NRXN3: variants seen among roughly 807,000 people sequenced by gnomAD.
The protein encoded by NRXN3 is neurexin 3, also known as neurexin III.
NRXN3 carries 32 observed loss-of-function variants against 137.6 expected under a neutral mutation model. The observed-to-expected ratio is 0.23, with a 90% CI of 0.18 to 0.31. The LOEUF is 0.31. Among genes scored for constraint, NRXN3 ranks in the 10% least tolerant of loss-of-function variants. The probability of loss-of-function intolerance (pLI) is 1.00; values close to 1 mark genes in which losing one functional copy is unlikely to be tolerated. For synonymous variants in NRXN3, 798 were observed against 784.5 expected (o/e 1.02, Z -0.29); for missense variants, 1,574 against 2,062.5 (o/e 0.76, Z 4.59).
At chr14:78,295,415 A>C (rs1317746882) in intron 3 of NRXN3, among the ~76,000 whole-genome samples, 1 of 152,148 alleles carries the variant, frequency 6.6e-6, no homozygotes, top group Non-Finnish European at 1.5e-5. Flanking sequence ...AGTTTAATAA[A>C]ACCTGATAAG....
intron 17 of NRXN3, among the ~76,000 whole-genome samples, chr14:79,683,503 C>T (rs1219979600): frequency 6.6e-6 from 1 of 152,140 alleles, no homozygotes; most frequent in Admixed American, 6.6e-5. Context: ...CTTAAAGAGA[C>T]CTGCCTGTGT....
At chr14:79,376,214 G>GTATATA (rs1159913935) in intron 15 of NRXN3, among the ~76,000 whole-genome samples, 16 of 71,098 alleles carry the variant, frequency 2.3e-4, no homozygotes, top group Non-Finnish European at 3.2e-4. Context: ...GTGTGTGTAT[G>GTATATA]TATATATATA....
At chr14:79,774,101 T>C (rs2099089109) in intron 19 of NRXN3, among the ~76,000 whole-genome samples, 2 of 152,124 alleles carry the variant, frequency 1.3e-5, no homozygotes, top group African/African-American at 4.8e-5. Flanking sequence ...AACCCCCGAA[T>C]AACTGTACGT....
At chr14:79,639,732 C>T (rs1419553814) in intron 16 of NRXN3, among the ~76,000 whole-genome samples, 1 of 152,144 alleles carries the variant, frequency 6.6e-6, no homozygotes, top group Non-Finnish European at 1.5e-5. Context: ...TTGAGTAACC[C>T]GAAGTAGCTA....
At chr14:79,358,701 C>T (rs1355519444) in intron 15 of NRXN3, among the ~76,000 whole-genome samples, 6 of 150,132 alleles carry the variant, frequency 4.0e-5, no homozygotes, top group African/African-American at 7.4e-5. Flanking sequence ...ACCTGTGGGG[C>T]GTGTTTGGTG....
At chr14:78,634,953 C>A (rs900423101) in intron 4 of NRXN3, among the ~76,000 whole-genome samples, 6 of 152,094 alleles carry the variant, frequency 3.9e-5, no homozygotes, top group South Asian at 2.1e-4. Context: ...AAGTAAAATT[C>A]TTTAATACCT....
chr14:78,727,019 T>C lies in NRXN3; in HGVS notation c.2044+11880T>C, dbSNP rs76383330. 9.8e-4 allele frequency among the ~76,000 whole-genome samples: 146 copies of C among 148,968 alleles called. No individual in the cohort carries two copies. The East Asian group carries it at 0.024, about 24-fold the overall frequency. On this transcript the variant is annotated intron_variant, in intron 8 of 20. Transcript: ENST00000335750. Reference sequence around the variant, plus strand: ...TATCATGCCATGGATCCTAGAGATGTCCAGAACAGGTCAAGCTAAAACCCT... The same window carrying C: ...TATCATGCCATGGATCCTAGAGATGCCCAGAACAGGTCAAGCTAAAACCCT...
intron 19 of NRXN3, among the ~76,000 whole-genome samples, chr14:79,710,717 G>GTGCCTAGTATGGGCTAAGTACTGTC (rs555416633): frequency 8.4e-4 from 128 of 152,286 alleles, no homozygotes; most frequent in African/African-American, 2.9e-3. Flanking sequence ...AGTTATTTGA[G>GTGCCTAGTATGGGCTAAGTACTGTC]TGCCTAGTAT....
intron 15 of NRXN3, among the ~76,000 whole-genome samples, chr14:79,269,532 G>A (rs550295440): frequency 7.2e-5 from 11 of 151,900 alleles, no homozygotes; most frequent in African/African-American, 2.4e-4. Flanking sequence ...TTTTCTTACC[G>A]GCGACTGAGG....
At position 78,825,037 on chromosome 14, in the gene NRXN3, T is replaced by G. The variant is rs1415076620; in HGVS notation, c.2275+14693T>G. Among the ~76,000 whole-genome samples, 6 of 151,838 alleles carry G rather than the reference T, an allele frequency of 4.0e-5. No individual in the cohort carries two copies. The South Asian group carries it at 1.2e-3, about 32-fold the overall frequency. ...TTCAAAGAGACATTTAAGGCACAAG[T>G]GTTGTTTGTGCAGTATTGTTTTGCA... On this transcript the variant is annotated intron_variant, in intron 10 of 20. Transcript: ENST00000335750.
chr14:79,714,097 A>G (rs919565446), intron 19 of NRXN3, among the ~76,000 whole-genome samples: 10 of 152,156 alleles, frequency 6.6e-5, no homozygotes, highest in Non-Finnish European at 1.2e-4. Flanking sequence ...TTACTCCCAC[A>G]TATTTCTTTC....
chr14:79,094,389 T>A (rs1185332887), intron 15 of NRXN3, among the ~76,000 whole-genome samples: 2 of 152,216 alleles, frequency 1.3e-5, no homozygotes, highest in Non-Finnish European at 2.9e-5. Flanking sequence ...GGTGAAGACT[T>A]AAAATGTGCT....
chr14:79,101,980 T>C (rs1050246410), intron 15 of NRXN3, among the ~76,000 whole-genome samples: 4 of 152,126 alleles, frequency 2.6e-5, no homozygotes, highest in African/African-American at 7.2e-5. Context: ...GCTGGAGTGA[T>C]GCATCTACAA....
chr14:78,202,562 G>T (rs997885845), intron 1 of NRXN3, among the ~76,000 whole-genome samples: 1 of 152,184 alleles, frequency 6.6e-6, no homozygotes, highest in South Asian at 2.1e-4. Flanking sequence ...TCCTAGGTCT[G>T]TGAAAAATCT....
intron 15 of NRXN3, among the ~76,000 whole-genome samples, chr14:79,337,467 A>G (rs1227497391): frequency 6.6e-6 from 1 of 152,204 alleles, no homozygotes; most frequent in Non-Finnish European, 1.5e-5. Flanking sequence ...TGACTTCAGG[A>G]AAAGGATGGC....
rs75406495 is a variant in NRXN3 at position 78,433,278 on chromosome 14, A to G, written c.757+135418A>G. The stretch of plus-strand genomic sequence containing the variant: ...GTTGCCTACATCTTTGAGTGTAGCA[A>G]TGGTTCATCAAATCCTACTTATGCT... On this transcript the variant is annotated intron_variant, in intron 4 of 20. Coordinates refer to ENST00000335750, the MANE Select transcript of NRXN3 (RefSeq NM_001330195.2). Among the ~76,000 whole-genome samples the G allele has an allele frequency of 4.1e-3, 619 of 152,186 alleles. 9 individuals are homozygous for G. The highest frequency in any genetic ancestry group is 0.014 in the African/African-American group (590 of 41,518).
intron 4 of NRXN3, among the ~76,000 whole-genome samples, chr14:78,468,126 G>T (rs918540118): frequency 1.3e-5 from 2 of 152,056 alleles, no homozygotes; most frequent in Non-Finnish European, 2.9e-5. Context: ...ATTTCACCAA[G>T]TTGGGTCTTA....
chr14:79,835,203 C>A (rs1236090877), intron 20 of NRXN3, among the ~76,000 whole-genome samples: 1 of 152,084 alleles, frequency 6.6e-6, no homozygotes, highest in Non-Finnish European at 1.5e-5. Flanking sequence ...AAAGAAAATA[C>A]AATGAGGTAA....
chr14:79,402,545 G>T (rs930949680), intron 15 of NRXN3, among the ~76,000 whole-genome samples: 1 of 152,090 alleles, frequency 6.6e-6, no homozygotes, highest in Non-Finnish European at 1.5e-5. Flanking sequence ...TGATATTGTA[G>T]GTCTTAAATG....
Sources: gnomAD v4.1 joint callset for allele counts (sites outside exome capture counted in the v4.1 genomes callset) on GRCh38, gnomAD v4.1.1 for gene constraint, MANE v1.5 for transcripts, NCBI Gene and HGNC (gene_info 2026-07-23, HGNC 2026-07-21) for gene names.